The following PCDH9 variants were observed in gnomAD, a reference collection of about 807,000 sequenced individuals.
PCDH9 encodes protocadherin 9.
Under a neutral mutation model 70.6 loss-of-function variants are expected in PCDH9, and 24 were observed. The observed-to-expected ratio is 0.34, with a 90% CI of 0.25 to 0.48. The LOEUF is 0.48. Ranked by LOEUF, PCDH9 falls within the 20% of genes least tolerant of loss-of-function variation. The pLI is 0.99. For missense variants in PCDH9, 1,281 were observed against 1,503.6 expected (o/e 0.85, Z 2.45); for synonymous variants, 562 against 558.5 (o/e 1.01, Z -0.09).
chr13:66,809,912 T>C (rs2080474135), intron 3 of PCDH9, among the ~76,000 whole-genome samples: 4 of 152,144 alleles, frequency 2.6e-5, no homozygotes, highest in Admixed American at 1.3e-4. Flanking sequence ...TTGTCCTTAG[T>C]GGCTAAAGAA....
chr13:66,828,046 C>T (rs1256345468), intron 3 of PCDH9, among the ~76,000 whole-genome samples: 1 of 152,076 alleles, frequency 6.6e-6, no homozygotes, highest in African/African-American at 2.4e-5. Flanking sequence ...AAATGACAAA[C>T]ATAGCCACTG....
intron 4 of PCDH9, among the ~76,000 whole-genome samples, chr13:66,321,036 G>C (rs990473471): frequency 6.6e-6 from 1 of 151,864 alleles, no homozygotes; most frequent in Admixed American, 6.6e-5. Context: ...CTTTCAATTG[G>C]ATATGCTACA....
At chr13:66,804,908 C>CT (rs1566205570) in intron 3 of PCDH9, among the ~76,000 whole-genome samples, 1 of 151,976 alleles carries the variant, frequency 6.6e-6, no homozygotes, top group African/African-American at 2.4e-5. Context: ...TGAAGACAGT[C>CT]AATACAGTTC....
At chr13:67,173,004 C>T (rs547450747) in intron 2 of PCDH9, among the ~76,000 whole-genome samples, 1 of 151,830 alleles carries the variant, frequency 6.6e-6, no homozygotes, top group Non-Finnish European at 1.5e-5. Context: ...ACTTTGCAAC[C>T]CCAAACAGCT....
At chr13:67,005,144 G>A (rs1278750773) in intron 2 of PCDH9, among the ~76,000 whole-genome samples, 4 of 151,684 alleles carry the variant, frequency 2.6e-5, no homozygotes, top group Non-Finnish European at 4.4e-5. Context: ...AAAAATTAAG[G>A]CAAGCAGAAT....
intron 4 of PCDH9, among the ~76,000 whole-genome samples, chr13:66,404,670 T>C (rs267328): frequency 0.97 from 147,561 of 152,264 alleles, 71,541 homozygotes; most frequent in Non-Finnish European, 0.99. Flanking sequence ...CTGAAATTCA[T>C]AATGTAGTTG....
chr13:66,970,474 AT>A (rs1465404428), intron 2 of PCDH9, among the ~76,000 whole-genome samples: 7 of 151,576 alleles, frequency 4.6e-5, no homozygotes, highest in Non-Finnish European at 8.8e-5. Flanking sequence ...TACAAAAAAA[AT>A]AATAAATAAT....
intron 3 of PCDH9, among the ~76,000 whole-genome samples, chr13:66,828,445 C>A (rs1272903831): frequency 6.6e-6 from 1 of 152,136 alleles, no homozygotes; most frequent in African/African-American, 2.4e-5. Flanking sequence ...ATCCAGAGTA[C>A]ATGCTTTTTC....
chr13:66,408,213 C>T (rs1015528475), intron 4 of PCDH9, among the ~76,000 whole-genome samples: 1 of 151,992 alleles, frequency 6.6e-6, no homozygotes, highest in African/African-American at 2.4e-5. Flanking sequence ...CGCCCGCCAC[C>T]GCGCCCGGCT....
chr13:67,212,121 C>T (rs943996274), intron 2 of PCDH9: 2 of 151,906 alleles, frequency 1.3e-5, no homozygotes, highest in Middle Eastern at 3.2e-3. Context: ...AACACCTTTG[C>T]CTGTAGAAGG....
chr13:67,080,836 C>T (rs764403391), intron 2 of PCDH9, among the ~76,000 whole-genome samples: 2 of 152,070 alleles, frequency 1.3e-5, no homozygotes, highest in Non-Finnish European at 2.9e-5. Flanking sequence ...TGTGAGTTAA[C>T]CACTTTATGA....
At position 66,792,263 on chromosome 13, in the gene PCDH9, C is replaced by T. The variant is rs574460494; in HGVS notation, c.3138+111241G>A. Among the ~76,000 whole-genome samples, 166 of 152,224 alleles carry T rather than the reference C, an allele frequency of 1.1e-3. 1 individual carries two copies. The highest frequency in any genetic ancestry group is 2.2e-3 in the Non-Finnish European group (147 of 68,026). ...ACAACTGGATAAATTATTCCAAGGA[C>T]ATGCCATTAAAAATGTTGTGAACAT... On this transcript the variant is annotated intron_variant, in intron 3 of 4. Coordinates refer to ENST00000377865, the MANE Select transcript of PCDH9 (RefSeq NM_203487.3).
Position 66,342,474 on chromosome 13 carries a change from C to A in PCDH9, c.3341-37446G>T, listed in dbSNP as rs561025697. 7.9e-5 allele frequency among the ~76,000 whole-genome samples: 12 copies of A among 152,288 alleles called. No individual in the cohort carries two copies. In the South Asian group the frequency reaches 2.5e-3, roughly 32 times the overall value. ...GTATTGAGGAATTTACTCCTTATAA[C>A]AGGATAGTTACTATTAATATTCTCC... On this transcript the variant is annotated intron_variant, in intron 4 of 4. Coordinates refer to ENST00000377865, the MANE Select transcript of PCDH9 (RefSeq NM_203487.3).
intron 3 of PCDH9, among the ~76,000 whole-genome samples, chr13:66,893,822 C>T (rs545506701): frequency 6.6e-6 from 1 of 152,020 alleles, no homozygotes; most frequent in Non-Finnish European, 1.5e-5. Context: ...CTATTCCATT[C>T]TAACCTATTT....
At chr13:67,097,460 A>G (rs2086344877) in intron 2 of PCDH9, among the ~76,000 whole-genome samples, 1 of 152,210 alleles carries the variant, frequency 6.6e-6, no homozygotes, top group African/African-American at 2.4e-5. Context: ...GACAAAGTAT[A>G]GCAATATGGC....
chr13:66,986,909 T>A (rs975523354), intron 2 of PCDH9, among the ~76,000 whole-genome samples: 3 of 151,902 alleles, frequency 2.0e-5, no homozygotes, highest in African/African-American at 7.2e-5. Context: ...ATTACTATAG[T>A]ATCTATGTAT....
intron 3 of PCDH9, among the ~76,000 whole-genome samples, chr13:66,778,711 A>G (rs1431404839): frequency 1.3e-5 from 2 of 152,236 alleles, no homozygotes; most frequent in Non-Finnish European, 2.9e-5. Flanking sequence ...CACATATGTG[A>G]CATGCCAATG....
intron 2 of PCDH9, among the ~76,000 whole-genome samples, chr13:66,981,253 A>G (rs1434487417): frequency 6.6e-6 from 1 of 152,130 alleles, no homozygotes; most frequent in Non-Finnish European, 1.5e-5. Context: ...CGTGGCTAAC[A>G]CGGTGAAACT....
intron 4 of PCDH9, among the ~76,000 whole-genome samples, chr13:66,630,052 A>C (rs1305129497): frequency 6.6e-6 from 1 of 152,206 alleles, no homozygotes; most frequent in African/African-American, 2.4e-5. Context: ...GAAGCAAAAT[A>C]GGTAGAAAAT....
Sources: gnomAD v4.1 joint callset for allele counts (sites outside exome capture counted in the v4.1 genomes callset) on GRCh38, gnomAD v4.1.1 for gene constraint, MANE v1.5 for transcripts, NCBI Gene and HGNC (gene_info 2026-07-23, HGNC 2026-07-21) for gene names.